Variants in ARMC3 observed in about 807,000 individuals in gnomAD.
The protein encoded by ARMC3 is armadillo repeat containing 3.
Under a neutral mutation model 90.3 loss-of-function variants are expected in ARMC3, and 74 were observed. The ratio of observed to expected loss-of-function variants is 0.82; its 90% confidence interval spans 0.68 to 0.99. The LOEUF is 0.99. Among genes scored for constraint, ARMC3 ranks in the 50% least tolerant of loss-of-function variants. ARMC3 has a pLI of 0.00. For missense variants in ARMC3, 958 were observed against 1,042.8 expected (o/e 0.92, Z 1.12); for synonymous variants, 334 against 361.8 (o/e 0.92, Z 0.87).
At chr10:23,012,062 T>A (rs1196776278) in intron 16 of ARMC3, among the ~76,000 whole-genome samples, 1 of 152,190 alleles carries the variant, frequency 6.6e-6, no homozygotes, top group Non-Finnish European at 1.5e-5. Context: ...ACACATCAGC[T>A]TTCATCTTTG....
intron 16 of ARMC3, among the ~76,000 whole-genome samples, chr10:23,025,920 C>A (rs890162514): frequency 1.3e-5 from 2 of 151,972 alleles, no homozygotes; most frequent in African/African-American, 4.8e-5. Flanking sequence ...ACTATAACCC[C>A]TCAACACACA....
rs140763346 is a variant in ARMC3 at position 22,998,267 on chromosome 10, G to A, written c.1295G>A (p.Arg432His). The A allele has an allele frequency of 1.5e-3, 2,406 of 1,612,144 alleles. No homozygotes were observed. Among genetic ancestry groups the A allele is most frequent in the Non-Finnish European group, 1.6e-3 (1,921 of 1,179,020 alleles). The change falls in exon 11 of 19, where the codon CGC (arginine) becomes CAC (histidine). Residue 432 changes from arginine to histidine, a missense_variant. Transcript: ENST00000298032. ...LTNMAMQEPL[R>H]LNIQNHDIMH... ...AACATGGCCATGCAGGAGCCCCTGC[G>A]CCTGAACATACAGAATCACGACATC...
intron 2 of ARMC3, among the ~76,000 whole-genome samples, chr10:22,932,362 C>T (rs1025194443): frequency 6.6e-6 from 1 of 152,196 alleles, no homozygotes; most frequent in Non-Finnish European, 1.5e-5. Flanking sequence ...GCCAGCCTCT[C>T]ATTTATGTTA....
At position 23,006,888 on chromosome 10, in the gene ARMC3, A is replaced by C; in HGVS notation, c.1736A>C (p.Asn579Thr). Residue 579 changes from asparagine (N) to threonine (T), a missense_variant, in exon 14 of 19, where the codon AAT becomes ACT. Asn to Thr is a moderately conservative substitution (Grantham distance 65). Transcript: ENST00000298032. ...GGTCCTTAAATTATCTCACAGATAAATCCCGGCACCAAACTGTTGCCTTTG... is the reference window on the plus strand; with the variant it reads ...GGTCCTTAAATTATCTCACAGATAACTCCCGGCACCAAACTGTTGCCTTTG... ...NDGFYDYGRI[N>T]PGTKLLPLKE... The C allele has an allele frequency of 9.3e-6, 15 of 1,614,082 alleles. No individual in the cohort carries two copies. Among genetic ancestry groups the C allele is most frequent in the Non-Finnish European group, 1.3e-5 (15 of 1,179,946 alleles).
intron 2 of ARMC3, among the ~76,000 whole-genome samples, chr10:22,944,712 TC>T: frequency 6.6e-6 from 1 of 152,280 alleles, no homozygotes; most frequent in Non-Finnish European, 1.5e-5. Context: ...AGAGGATGGT[TC>T]TCAAGCCCCA....
chr10:23,015,724 T>C (rs1838242126), intron 16 of ARMC3, among the ~76,000 whole-genome samples: 1 of 152,198 alleles, frequency 6.6e-6, no homozygotes, highest in Non-Finnish European at 1.5e-5. Flanking sequence ...TAAAATAATT[T>C]CCCACTACCC....
At chr10:23,030,961 T>C (rs997638147) in intron 17 of ARMC3, 165 bp downstream of exon 17, 10 of 742,716 alleles carry the variant, frequency 1.3e-5, no homozygotes, top group Non-Finnish European at 2.1e-5. Context: ...TCAACTTCTA[T>C]TTAGGTCATA....
chr10:23,017,539 C>T (rs1182738823), intron 16 of ARMC3, among the ~76,000 whole-genome samples: 2 of 152,250 alleles, frequency 1.3e-5, no homozygotes, highest in East Asian at 1.9e-4. Context: ...CCGAGATGGG[C>T]GGATCACTTG....
chr10:23,017,409 A>C (rs149353843), intron 16 of ARMC3, among the ~76,000 whole-genome samples: 56 of 152,318 alleles, frequency 3.7e-4, no homozygotes, highest in African/African-American at 1.3e-3. Context: ...CTTAAAGTTA[A>C]ATAATTCCCA....
At chr10:23,018,514 A>T (rs1392150297) in intron 16 of ARMC3, among the ~76,000 whole-genome samples, 6 of 115,474 alleles carry the variant, frequency 5.2e-5, no homozygotes, top group South Asian at 2.8e-4. Context: ...CACCTTAGTA[A>T]TTTTTTTTTT....
chr10:22,992,170 G>A (rs1294365219), intron 10 of ARMC3, among the ~76,000 whole-genome samples: 2 of 152,150 alleles, frequency 1.3e-5, no homozygotes, highest in East Asian at 1.9e-4. Flanking sequence ...TGTCACTTGG[G>A]AGGAAATTAC....
intron 4 of ARMC3, among the ~76,000 whole-genome samples, chr10:22,956,362 G>A (rs1437027896): frequency 2.0e-5 from 3 of 152,080 alleles, no homozygotes; most frequent in East Asian, 1.9e-4. Flanking sequence ...TTAAATGTGC[G>A]TTTACCAAGG....
At chr10:23,019,478 C>A (rs1043657722) in intron 16 of ARMC3, among the ~76,000 whole-genome samples, 4 of 152,174 alleles carry the variant, frequency 2.6e-5, no homozygotes, top group South Asian at 2.1e-4. Context: ...AGTTCCATCA[C>A]CCCAGATAAT....
chr10:23,018,644 G>A (rs149670307), intron 16 of ARMC3, among the ~76,000 whole-genome samples: 9,398 of 150,732 alleles, frequency 0.062, 413 homozygotes, highest in Middle Eastern at 0.13. Context: ...AGCCTCCCGA[G>A]TAGCTGGGAC....
At chr10:22,953,828 T>C (rs1834822360) in intron 3 of ARMC3, among the ~76,000 whole-genome samples, 1 of 152,244 alleles carries the variant, frequency 6.6e-6, no homozygotes, top group Admixed American at 6.5e-5. Flanking sequence ...CCTAATTATT[T>C]TGAGATTAAT....
At position 22,998,391 on chromosome 10, in the gene ARMC3, G is replaced by A; in HGVS notation, c.1419G>A (p.Arg473=). 1 of 1,613,892 alleles carries A rather than the reference G, an allele frequency of 6.2e-7. No individual in the cohort carries two copies. Among genetic ancestry groups the A allele is most frequent in the African/African-American group, 1.3e-5 (1 of 75,060 alleles). Reference sequence around the variant, plus strand: ...CAACTGCGTGTGACGTTGAAGCCCGGACTGAGGTGAGAATTTTAATAACAT... The same window carrying A: ...CAACTGCGTGTGACGTTGAAGCCCGAACTGAGGTGAGAATTTTAATAACAT... ...VTATACDVEA[R]TELRNSGGLE... Residue 473 remains arginine (R), a synonymous_variant, in exon 11 of 19, where the codon CGG becomes CGA. Coordinates refer to ENST00000298032, the MANE Select transcript of ARMC3 (RefSeq NM_173081.5).
intron 10 of ARMC3, among the ~76,000 whole-genome samples, chr10:22,990,293 T>C (rs987964846): frequency 1.3e-5 from 2 of 152,216 alleles, no homozygotes; most frequent in African/African-American, 4.8e-5. Flanking sequence ...TACCACTCAT[T>C]GATTACACTT....
intron 8 of ARMC3, among the ~76,000 whole-genome samples, chr10:22,971,269 G>C (rs1000149536): frequency 5.9e-5 from 9 of 152,024 alleles, no homozygotes; most frequent in African/African-American, 2.2e-4. Context: ...ACCACATTTT[G>C]TTTATCCTTT....
rs1369495995 is a variant in ARMC3 at position 22,959,493 on chromosome 10, A to G, written c.456A>G (p.Leu152=). 5.6e-6 allele frequency: 9 copies of G among 1,614,068 alleles called. No individual in the cohort carries two copies. Among genetic ancestry groups the G allele is most frequent in the Non-Finnish European group, 7.6e-6 (9 of 1,179,958 alleles). ...TGCAAATATTTGAACATGGGGGATT[A>G]GAGCCACTCATCAGACTACTGAGTA... ...SKVQIFEHGG[L]EPLIRLLSSP... The change falls in exon 6 of 19, where the codon TTA becomes TTG. Residue 152 remains leucine (L), a synonymous_variant. Coordinates refer to ENST00000298032, the MANE Select transcript of ARMC3 (RefSeq NM_173081.5).
Sources: allele counts gnomAD v4.1 joint callset (sites outside exome capture counted in the v4.1 genomes callset), GRCh38; gene constraint gnomAD v4.1.1; transcripts MANE v1.5; gene names NCBI Gene and HGNC (gene_info 2026-07-23, HGNC 2026-07-21).